HOXC6: variants seen among roughly 807,000 people sequenced by gnomAD.
HOXC6 encodes the protein homeobox protein Hox-C6.
In HOXC6, 10 loss-of-function variants were observed where a neutral mutation model predicts 24.0. The ratio of observed to expected loss-of-function variants is 0.42; its 90% CI spans 0.26 to 0.71. The LOEUF (loss-of-function observed/expected upper bound fraction) is 0.71. Ranked by LOEUF, HOXC6 falls within the 30% of genes least tolerant of loss-of-function variation. HOXC6 has a pLI of 0.28. For synonymous variants in HOXC6, 123 were observed against 128.1 expected (o/e 0.96, Z 0.27); for missense variants, 258 against 303.4 (o/e 0.85, Z 1.11).
Position 54,029,711 on chromosome 12 carries a change from A to G in HOXC6, c.457A>G (p.Thr153Ala). ...RGRQIYSRYQ[T>A]LELEKEFHFN... ...CCGCCAGATCTACTCGCGGTACCAG[A>G]CCCTGGAACTGGAGAAGGAATTTCA... The change falls in exon 2 of 2, where the codon ACC becomes GCC. Residue 153 changes from threonine (T) to alanine (A), a missense_variant. Physicochemically the swap from Thr to Ala is moderately conservative, Grantham distance 58. Transcript: ENST00000243108. 6.2e-7 allele frequency: 1 copy of G among 1,614,118 alleles called. No individual in the cohort carries two copies. Among genetic ancestry groups the G allele is most frequent in the Non-Finnish European group, 8.5e-7 (1 of 1,180,016 alleles).
At position 54,028,868 on chromosome 12, in the gene HOXC6, A is replaced by G; in HGVS notation, c.347A>G (p.Gln116Arg). Residue 116 changes from glutamine to arginine, a missense_variant, in exon 1 of 2, where the codon CAG becomes CGG. Physicochemically the swap from Gln to Arg is conservative, Grantham distance 43. Transcript: ENST00000243108. ...CAGGGCAGGACTGCGCCCCAGGACC[A>G]GAAAGCCAGTATCCAGATTTACCCC... Reference protein sequence around the residue: ...SEQGRTAPQDQKASIQIYPWM... With the variant: ...SEQGRTAPQDRKASIQIYPWM... The G allele has an allele frequency of 6.2e-7, 1 of 1,613,904 alleles. No individual in the cohort carries two copies. Among genetic ancestry groups the G allele is most frequent in the Non-Finnish European group, 8.5e-7 (1 of 1,180,030 alleles).
intron 1 of HOXC6, among the ~76,000 whole-genome samples, chr12:54,017,684 C>G (rs1940217456): frequency 6.6e-6 from 1 of 152,074 alleles, no homozygotes; most frequent in Non-Finnish European, 1.5e-5. Flanking sequence ...CTGTGGGGCT[C>G]AAGCCGGCGG....
At chr12:54,024,569 T>A (rs1377989566), upstream of HOXC6, among the ~76,000 whole-genome samples, 4 of 152,066 alleles carry the variant, frequency 2.6e-5, no homozygotes, top group Admixed American at 2.6e-4. Flanking sequence ...CAAATATCCC[T>A]CCCCAGGAAA....
In HOXC6 at chr12:54,029,911, C is replaced by A; in HGVS notation, c.657C>A (p.Gly219=). The change falls in exon 2 of 2, where the codon GGC becomes GGA. Residue 219 remains glycine, a synonymous_variant. Transcript: ENST00000243108. ...GGGGATADSL[G]GKEEKREETE... Reference sequence around the variant, plus strand: ...GAGGGGCCACCGCCGACAGCCTGGGCGGAAAAGAGGAAAAGCGGGAAGAGA... The same window carrying A: ...GAGGGGCCACCGCCGACAGCCTGGGAGGAAAAGAGGAAAAGCGGGAAGAGA... The A allele has an allele frequency of 6.2e-7, 1 of 1,605,690 alleles. No homozygotes were observed. Among genetic ancestry groups the A allele is most frequent in the Non-Finnish European group, 8.5e-7 (1 of 1,175,468 alleles).
chr12:54,023,414 G>C (rs1940537613), intron 1 of HOXC6, among the ~76,000 whole-genome samples: 1 of 152,260 alleles, frequency 6.6e-6, no homozygotes, highest in Non-Finnish European at 1.5e-5. Context: ...TCTGGAAAGA[G>C]AGAGGGAGGA....
chr12:54,023,475 C>T (rs746423), upstream of HOXC6, among the ~76,000 whole-genome samples: 17,056 of 152,174 alleles, frequency 0.11, 1,293 homozygotes, highest in Non-Finnish European at 0.17. Flanking sequence ...CTTTCTTCTC[C>T]GTTTAATTGT....
intron 1 of HOXC6, among the ~76,000 whole-genome samples, chr12:54,018,588 A>T (rs1940274367): frequency 6.6e-6 from 1 of 152,180 alleles, no homozygotes; most frequent in African/African-American, 2.4e-5. Flanking sequence ...ACAGTGGCTT[A>T]ATTTCTTCCA....
At chr12:54,018,948 G>A (rs1466254941) in intron 1 of HOXC6, among the ~76,000 whole-genome samples, 1 of 152,152 alleles carries the variant, frequency 6.6e-6, no homozygotes, top group Non-Finnish European at 1.5e-5. Flanking sequence ...CGCCTGTGGG[G>A]GGGCGGGGAT....
upstream of HOXC6, among the ~76,000 whole-genome samples, chr12:54,026,970 G>T (rs973539921): frequency 2.2e-5 from 3 of 138,060 alleles, no homozygotes; most frequent in Non-Finnish European, 4.9e-5. Context: ...ATGGTGGGGG[G>T]GGGGGGATAT....
At chr12:54,026,249 C>A (rs1434263258), upstream of HOXC6, among the ~76,000 whole-genome samples, 1 of 152,110 alleles carries the variant, frequency 6.6e-6, no homozygotes, top group Non-Finnish European at 1.5e-5. Flanking sequence ...TGACTTGTTC[C>A]CTAGCTCAGT....
upstream of HOXC6, among the ~76,000 whole-genome samples, chr12:54,024,503 G>T (rs74089888): frequency 2.8e-4 from 42 of 152,278 alleles, no homozygotes; most frequent in African/African-American, 9.6e-4. Context: ...AACTAAGGAG[G>T]ACCTCTGGAA....
At chr12:54,026,549 C>T (rs1016610399), upstream of HOXC6, among the ~76,000 whole-genome samples, 1 of 152,148 alleles carries the variant, frequency 6.6e-6, no homozygotes, top group Non-Finnish European at 1.5e-5. Flanking sequence ...AAGGAGGAAC[C>T]TTTATAATTA....
At chr12:54,027,718 A>G (rs1940787181), upstream of HOXC6, among the ~76,000 whole-genome samples, 1 of 152,194 alleles carries the variant, frequency 6.6e-6, no homozygotes, top group Admixed American at 6.5e-5. Context: ...AGGAGGCAGA[A>G]GGGAGCCAGG....
chr12:54,028,848 C>G lies in HOXC6; in HGVS notation c.327C>G (p.Gly109=). The G allele has an allele frequency of 6.2e-7, 1 of 1,614,122 alleles. No individual in the cohort carries two copies. Residue 109 remains glycine (G), a synonymous_variant, in exon 1 of 2, where the codon GGC becomes GGG. Transcript: ENST00000243108. ...CTCAGGATTTTAGTTCTGAGCAGGG[C>G]AGGACTGCGCCCCAGGACCAGAAAG... The part of the protein sequence containing the change: ...SIAQDFSSEQ[G]RTAPQDQKAS...
intron 1 of HOXC6, among the ~76,000 whole-genome samples, chr12:54,018,826 C>CA (rs1940289197): frequency 6.6e-6 from 1 of 152,138 alleles, no homozygotes; most frequent in Non-Finnish European, 1.5e-5. Context: ...TAATCTAAGC[C>CA]AAGACACCCC....
chr12:54,029,596 CA>C, intron 1 of HOXC6, 58 bp from the exon 2 acceptor site: 1 of 1,545,414 alleles, frequency 6.5e-7, no homozygotes, highest in Non-Finnish European at 8.8e-7. Flanking sequence ...CTAGGCGAAA[CA>C]GTCTGCAGAG....
intron 1 of HOXC6, among the ~76,000 whole-genome samples, chr12:54,019,676 A>T (rs571490272): frequency 6.6e-6 from 1 of 151,980 alleles, no homozygotes; most frequent in South Asian, 2.1e-4. Flanking sequence ...GCCCCCTCCC[A>T]CCCGAGGGGC....
intron 1 of HOXC6, chr12:54,021,333 G>C (rs1022914476): frequency 1.3e-5 from 2 of 152,302 alleles, no homozygotes; most frequent in Admixed American, 1.3e-4. Flanking sequence ...TCTGAGCCAG[G>C]ACAAGACCTG....
intron 1 of HOXC6, chr12:54,022,601 G>A (rs1940500435): frequency 6.6e-6 from 1 of 152,006 alleles, no homozygotes; most frequent in Non-Finnish European, 1.5e-5. Context: ...AGGGAAATGA[G>A]GATGCTGTTT....
Sources: gnomAD v4.1 joint callset for allele counts (sites outside exome capture counted in the v4.1 genomes callset) on GRCh38, gnomAD v4.1.1 for gene constraint, MANE v1.5 for transcripts, NCBI Gene and HGNC (gene_info 2026-07-23, HGNC 2026-07-21) for gene names.